The following HHLA1 variants were observed in gnomAD, a reference collection of about 807,000 sequenced individuals.
HHLA1 encodes HHLA1 neighbor of OC90.
In HHLA1, 72 loss-of-function variants were observed where a neutral mutation model predicts 69.9. That is an observed-to-expected ratio of 1.03 (90% CI 0.85 to 1.25). HHLA1 has a LOEUF of 1.25. HHLA1 is among the 50% of genes most tolerant of loss of function. The pLI is 0.00. For missense variants in HHLA1, 685 were observed against 642.2 expected (o/e 1.07, Z -0.72); for synonymous variants, 252 against 233.2 (o/e 1.08, Z -0.73).
intron 3 of HHLA1, among the ~76,000 whole-genome samples, chr8:132,103,394 G>A (rs1415314248): frequency 6.6e-6 from 1 of 152,202 alleles, no homozygotes; most frequent in African/African-American, 2.4e-5. Flanking sequence ...GAGGCAAGTG[G>A]ATCCCCTGAG....
intron 13 of HHLA1, 72 bp downstream of exon 13, chr8:132,076,403 C>G: frequency 9.4e-7 from 1 of 1,064,470 alleles, no homozygotes; most frequent in Non-Finnish European, 1.4e-6. Context: ...TCCCACCACG[C>G]CCTTGTCCCC....
chr8:132,079,973 G>A lies in HHLA1; in HGVS notation c.677-7C>T, dbSNP rs116232399. 1.2e-3 allele frequency: 1,848 copies of A among 1,552,256 alleles called. 19 individuals are homozygous for A. In the African/African-American group the frequency reaches 0.022, roughly 19 times the overall value. On this transcript the variant is annotated splice_polypyrimidine_tract_variant and splice_region_variant and intron_variant, in intron 10 of 16. Coordinates refer to ENST00000414222, the MANE Select transcript of HHLA1 (RefSeq NM_001145095.3). ...GTTCCCCTGGTAGCTGCACCTTCAG[G>A]GAGGCAGTCAATGGTAACATTAACA...
At chr8:132,077,361 G>GA (rs1823662607) in intron 12 of HHLA1, among the ~76,000 whole-genome samples, 1 of 152,024 alleles carries the variant, frequency 6.6e-6, no homozygotes, top group South Asian at 2.1e-4. Flanking sequence ...AGGTGGAGGG[G>GA]CGAGGTGAGG....
intron 1 of HHLA1, among the ~76,000 whole-genome samples, chr8:132,106,497 C>T (rs1047274677): frequency 3.3e-5 from 5 of 152,232 alleles, no homozygotes; most frequent in Non-Finnish European, 5.9e-5. Context: ...TCTGGTTACT[C>T]TCTGAATACC....
chr8:132,068,446 C>A (rs889745279), intron 15 of HHLA1, among the ~76,000 whole-genome samples: 2 of 152,176 alleles, frequency 1.3e-5, no homozygotes, highest in African/African-American at 4.8e-5. Context: ...GGAATGGAGT[C>A]AAAGTCCTGT....
At chr8:132,089,763 G>A (rs929826622) in intron 7 of HHLA1, among the ~76,000 whole-genome samples, 164 bp from the exon 8 acceptor site, 10 of 152,116 alleles carry the variant, frequency 6.6e-5, no homozygotes, top group Non-Finnish European at 8.8e-5. Context: ...TCTAAAAAAT[G>A]AAAAGTCTTG....
intron 10 of HHLA1, 34 bp from the exon 11 acceptor site, chr8:132,080,000 G>GC: frequency 6.4e-7 from 1 of 1,552,064 alleles, no homozygotes; most frequent in South Asian, 1.2e-5. Flanking sequence ...ACATTAACAT[G>GC]CTTGACACTT....
At chr8:132,068,372 G>A (rs1467161030) in intron 15 of HHLA1, among the ~76,000 whole-genome samples, 3 of 152,202 alleles carry the variant, frequency 2.0e-5, no homozygotes, top group South Asian at 2.1e-4. Context: ...AAGCTTTCTG[G>A]CAGAGGCATC....
In HHLA1 at chr8:132,099,715, G is replaced by A. The variant is rs1482539631; in HGVS notation, c.199+360C>T. 3.9e-5 allele frequency among the ~76,000 whole-genome samples: 6 copies of A among 152,188 alleles called. 1 individual carries two copies. Among genetic ancestry groups the A allele is most frequent in the Admixed American group, 3.9e-4 (6 of 15,274 alleles). The stretch of plus-strand genomic sequence containing the variant: ...CTAAAAATATAAAAATTAGCTGTGT[G>A]TGGTGGCCGGTGCCTGTAATCCCAG... On this transcript the variant is annotated intron_variant, in intron 4 of 16. Transcript: ENST00000414222.
chr8:132,089,211 C>T (rs760352868), intron 8 of HHLA1, among the ~76,000 whole-genome samples: 45 of 152,174 alleles, frequency 3.0e-4, no homozygotes, highest in Non-Finnish European at 5.9e-4. Flanking sequence ...CAGTTTTGTC[C>T]TCCTTAAAAT....
At chr8:132,078,999 A>T (rs527832547) in intron 11 of HHLA1, among the ~76,000 whole-genome samples, 12 of 152,212 alleles carry the variant, frequency 7.9e-5, no homozygotes, top group Non-Finnish European at 1.6e-4. Context: ...TACATGTGCC[A>T]TGTTGGTGTG....
At chr8:132,102,470 A>C (rs1311364914) in intron 3 of HHLA1, among the ~76,000 whole-genome samples, 1 of 152,272 alleles carries the variant, frequency 6.6e-6, no homozygotes, top group Non-Finnish European at 1.5e-5. Context: ...AGTCTGAGAC[A>C]GACATACTTA....
chr8:132,098,714 C>T (rs1349588192), intron 5 of HHLA1, among the ~76,000 whole-genome samples, 168 bp downstream of exon 5: 1 of 151,872 alleles, frequency 6.6e-6, no homozygotes, highest in African/African-American at 2.4e-5. Flanking sequence ...TCCCAAAGTG[C>T]TGGGATTACA....
chr8:132,083,375 G>T (rs1212178103), intron 10 of HHLA1, among the ~76,000 whole-genome samples: 1 of 151,968 alleles, frequency 6.6e-6, no homozygotes, highest in African/African-American at 2.4e-5. Flanking sequence ...AGAAGGTAAT[G>T]TGGAGTGGGT....
Position 132,084,259 on chromosome 8 carries a change from G to A in HHLA1, c.676+3394C>T, listed in dbSNP as rs543476214. ...TAGGGTGGAGGAGCGGAGGCTGAGG[G>A]AGAATTGGGACCTAGCTCGGCCTGG... On this transcript the variant is annotated intron_variant, in intron 10 of 16. Transcript: ENST00000414222. Among the ~76,000 whole-genome samples, 126 of 151,558 alleles carry A rather than the reference G, an allele frequency of 8.3e-4. 2 individuals are homozygous for A. Among genetic ancestry groups the A allele is most frequent in the East Asian group, 4.1e-3 (20 of 4,930 alleles).
intron 10 of HHLA1, chr8:132,080,264 C>T: frequency 2.3e-6 from 1 of 436,864 alleles, no homozygotes; most frequent in Non-Finnish European, 4.4e-6. Context: ...GAAGAGACCA[C>T]CAAACAGGCT....
At chr8:132,109,525 G>A (rs971719074) in intron 1 of HHLA1, among the ~76,000 whole-genome samples, 1 of 152,160 alleles carries the variant, frequency 6.6e-6, no homozygotes, top group Admixed American at 6.5e-5. Context: ...GGAAACAGGG[G>A]TTTCATCCCC....
chr8:132,111,032 A>G (rs759904644), intron 1 of HHLA1, 70 bp downstream of exon 1: 1 of 152,236 alleles, frequency 6.6e-6, no homozygotes, highest in Non-Finnish European at 1.5e-5. Flanking sequence ...TGAATTCTTT[A>G]GCTGGCTTCA....
intron 5 of HHLA1, among the ~76,000 whole-genome samples, chr8:132,096,270 C>T (rs1824025333): frequency 6.6e-6 from 1 of 152,192 alleles, no homozygotes. Context: ...TCTATCATCA[C>T]ATGGTCTTTT....
Sources: allele counts gnomAD v4.1 joint callset (sites outside exome capture counted in the v4.1 genomes callset), GRCh38; gene constraint gnomAD v4.1.1; transcripts MANE v1.5; gene names NCBI Gene and HGNC (gene_info 2026-07-23, HGNC 2026-07-21).